EXTL3: variants seen among roughly 807,000 people sequenced by gnomAD.
The protein encoded by EXTL3 is exostosin-like 3.
A neutral mutation model predicts 69.3 loss-of-function variants in EXTL3; 27 were observed. That is an observed-to-expected ratio of 0.39 (90% CI 0.29 to 0.54). The LOEUF is 0.54. Among genes scored for constraint, EXTL3 ranks in the 20% least tolerant of loss-of-function variants. The pLI, the probability that EXTL3 is intolerant of heterozygous loss-of-function variation, is 0.69. For synonymous variants in EXTL3, 511 were observed against 499.4 expected (o/e 1.02, Z -0.31); for missense variants, 1,003 against 1,231.8 (o/e 0.81, Z 2.78).
chr8:28,725,838 A>G (rs539405590), intron 3 of EXTL3, among the ~76,000 whole-genome samples: 1 of 152,268 alleles, frequency 6.6e-6, no homozygotes, highest in Admixed American at 6.5e-5. Flanking sequence ...AACAAAAATG[A>G]GAACCTTTCC....
At chr8:28,684,526 T>G (rs1807545591) in intron 1 of EXTL3, among the ~76,000 whole-genome samples, 1 of 152,094 alleles carries the variant, frequency 6.6e-6, no homozygotes, top group South Asian at 2.1e-4. Flanking sequence ...GAGGATTGCT[T>G]GAGGATAGGA....
At chr8:28,746,838 G>T (rs1294281832) in intron 6 of EXTL3, among the ~76,000 whole-genome samples, 4 of 152,034 alleles carry the variant, frequency 2.6e-5, no homozygotes, top group Admixed American at 2.0e-4. Context: ...ACCACGCCCC[G>T]CTAATTTTTA....
chr8:28,672,170 G>C (rs551283658), intron 1 of EXTL3, among the ~76,000 whole-genome samples: 28 of 152,032 alleles, frequency 1.8e-4, no homozygotes, highest in Admixed American at 1.6e-3. Flanking sequence ...AATCCCAGCA[G>C]TTTGGGAGGC....
At chr8:28,618,445 A>C (rs777431631), upstream of EXTL3, among the ~76,000 whole-genome samples, 10 of 152,212 alleles carry the variant, frequency 6.6e-5, no homozygotes, top group Non-Finnish European at 1.2e-4. Flanking sequence ...ATTAGAAGCA[A>C]ACTAAGCTCG....
At chr8:28,726,220 CT>C (rs1416392705) in intron 3 of EXTL3, among the ~76,000 whole-genome samples, 1 of 152,160 alleles carries the variant, frequency 6.6e-6, no homozygotes, top group South Asian at 2.1e-4. Context: ...TCCTAAAGTG[CT>C]GGGATTACAG....
In EXTL3 at chr8:28,750,986, A is replaced by T; in HGVS notation, c.*120A>T. ...TGGGTGGCCCAGAGCCTCTGCTGGA[A>T]GGGGCAGCAGGAGGAGTGGAAGGAA... On this transcript the variant is annotated 3_prime_UTR_variant, in exon 7 of 7. Coordinates refer to ENST00000220562, the MANE Select transcript of EXTL3 (RefSeq NM_001440.4). This position sits in a 1 kb window ranked among gnomAD's most constrained non-coding sequence, Gnocchi z 5.2. 1 of 815,086 alleles carries T rather than the reference A, an allele frequency of 1.2e-6. No individual in the cohort carries two copies. Among genetic ancestry groups the T allele is most frequent in the East Asian group, 2.6e-5 (1 of 37,946 alleles). The allele number at this position is 815,086 out of a possible 1,614,324, so 50.5% of individuals were successfully genotyped here.
At chr8:28,743,703 T>C (rs1801825810) in intron 6 of EXTL3, among the ~76,000 whole-genome samples, 1 of 152,210 alleles carries the variant, frequency 6.6e-6, no homozygotes, top group African/African-American at 2.4e-5. Context: ...GAAAAGAGCA[T>C]GTATGTCACT....
intron 5 of EXTL3, chr8:28,741,091 G>A (rs928789046): frequency 2.6e-5 from 4 of 152,374 alleles, no homozygotes; most frequent in African/African-American, 9.6e-5. Flanking sequence ...CCAGTAGCTG[G>A]GATTCACCCT....
rs781014999 is a variant in EXTL3, at chr8:28,717,852, C to T, written c.1793C>T (p.Thr598Ile). 1 of 1,612,694 alleles carries T rather than the reference C, an allele frequency of 6.2e-7. No individual in the cohort carries two copies. The highest frequency in any genetic ancestry group is 8.5e-7 in the Non-Finnish European group (1 of 1,178,758). The change falls in exon 3 of 7, where the codon ACT becomes ATT. Residue 598 changes from threonine (T) to isoleucine (I), a missense_variant. Physicochemically the swap from Thr to Ile is moderately conservative, Grantham distance 89. Around this residue, in one of 2 missense-constraint regions of EXTL3, gnomAD observed 742 missense variants for 815.4 expected, o/e 0.91. Transcript: ENST00000220562. The surrounding 1 kb of genome is among the most constrained non-coding windows in gnomAD (Gnocchi z 8.3). ...CTCCGCAATTTCACTCTGACTGTCA[C>T]TGACTTTTACCGCAGCTGGAACTGT... ...RYLRNFTLTV[T>I]DFYRSWNCAP...
chr8:28,728,875 A>G (rs1442383136), intron 3 of EXTL3, among the ~76,000 whole-genome samples: 1 of 151,826 alleles, frequency 6.6e-6, no homozygotes, highest in Non-Finnish European at 1.5e-5. Flanking sequence ...CTAGGTGACA[A>G]CTCAAGACTC....
At chr8:28,651,457 C>T (rs936743743) in intron 1 of EXTL3, among the ~76,000 whole-genome samples, 1 of 152,190 alleles carries the variant, frequency 6.6e-6, no homozygotes, top group East Asian at 1.9e-4. Flanking sequence ...TCCAGAATAA[C>T]TAGTACTACA....
At chr8:28,661,014 C>T (rs534840021) in intron 1 of EXTL3, among the ~76,000 whole-genome samples, 8 of 150,586 alleles carry the variant, frequency 5.3e-5, no homozygotes, top group Non-Finnish European at 8.9e-5. Context: ...CCCGGGTTCA[C>T]GCTATTCTTC....
intron 1 of EXTL3, among the ~76,000 whole-genome samples, chr8:28,676,909 T>C (rs947677967): frequency 6.6e-6 from 1 of 152,078 alleles, no homozygotes; most frequent in Non-Finnish European, 1.5e-5. Context: ...GAGAACTGCA[T>C]TTCAAATCTG....
rs1484400662 is a variant in EXTL3 at position 28,667,369 on chromosome 8, C to T, written c.-53+44559C>T. Among the ~76,000 whole-genome samples, 4 of 152,284 alleles carry T rather than the reference C, an allele frequency of 2.6e-5. No homozygotes were observed. The East Asian group carries it at 7.7e-4, about 29-fold the overall frequency. On this transcript the variant is annotated intron_variant, in intron 1 of 6. Coordinates refer to the EXTL3 transcript ENST00000523149. Reference sequence around the variant, plus strand: ...ATGAGGCCTGGTCAAGAAGAGCATTCAGAGGAGCCTGACTCAAGTTTGGTC... The same window carrying T: ...ATGAGGCCTGGTCAAGAAGAGCATTTAGAGGAGCCTGACTCAAGTTTGGTC...
rs1464857245 is a variant in EXTL3, at chr8:28,717,062, G to A, written c.1003G>A (p.Val335Met). The change falls in exon 3 of 7, where the codon GTG (valine) becomes ATG (methionine). Residue 335 changes from valine (V) to methionine (M), a missense_variant. Physicochemically the swap from Val to Met is conservative, Grantham distance 21. This residue lies in a region of EXTL3 where 742 missense variants were observed against 815.4 expected (regional missense o/e 0.91). Transcript: ENST00000220562. This position sits in a 1 kb window ranked among gnomAD's most constrained non-coding sequence, Gnocchi z 8.3. The stretch of plus-strand genomic sequence containing the variant: ...CAACTTCATGGAAATCCCACCACAG[G>A]TGCCGGTGAAGCGGAAATATCTCTT... ...EPNFMEIPPQ[V>M]PVKRKYLFTF... The A allele has an allele frequency of 1.9e-6, 3 of 1,614,230 alleles. No individual in the cohort carries two copies. Among genetic ancestry groups the A allele is most frequent in the Non-Finnish European group, 1.7e-6 (2 of 1,180,046 alleles).
chr8:28,704,709 G>A (rs1157254359), intron 1 of EXTL3, among the ~76,000 whole-genome samples: 1 of 148,304 alleles, frequency 6.7e-6, no homozygotes, highest in African/African-American at 2.5e-5. Flanking sequence ...CGCTCTTTTC[G>A]CCCAGGCTAG....
chr8:28,731,736 T>A (rs1801542638), intron 4 of EXTL3, among the ~76,000 whole-genome samples: 1 of 152,000 alleles, frequency 6.6e-6, no homozygotes, highest in African/African-American at 2.4e-5. Flanking sequence ...TTTAGAGGAA[T>A]GGGAAGGCAA....
chr8:28,665,538 A>G (rs559007618), intron 1 of EXTL3, among the ~76,000 whole-genome samples: 1 of 151,392 alleles, frequency 6.6e-6, no homozygotes, highest in African/African-American at 2.4e-5. Context: ...CAGCCTCCCA[A>G]GTAGTTGGGA....
chr8:28,703,507 G>C (rs1410196047), intron 1 of EXTL3, among the ~76,000 whole-genome samples: 1 of 152,170 alleles, frequency 6.6e-6, no homozygotes, highest in East Asian at 1.9e-4. Flanking sequence ...ACTAGAGAGA[G>C]ACCTGTTCTT....
Sources: gnomAD v4.1 joint callset for allele counts (sites outside exome capture counted in the v4.1 genomes callset) on GRCh38, gnomAD v4.1.1 for gene constraint, gnomAD v4.1.1 regional missense constraint, Gnocchi (gnomAD v3.1) non-coding constraint, MANE v1.5 for transcripts, NCBI Gene and HGNC (gene_info 2026-07-23, HGNC 2026-07-21) for gene names.